ALG5: variants seen among roughly 807,000 people sequenced by gnomAD.
The protein encoded by ALG5 is dolichyl-phosphate beta-glucosyltransferase.
Under a neutral mutation model 51.8 loss-of-function variants are expected in ALG5, and 26 were observed. That is an observed-to-expected ratio of 0.50 (90% CI 0.37 to 0.70). The LOEUF (loss-of-function observed/expected upper bound fraction) is 0.70. Among genes scored for constraint, ALG5 ranks in the 30% least tolerant of loss-of-function variants. The probability of loss-of-function intolerance (pLI) is 0.00; values close to 1 mark genes in which losing one functional copy is unlikely to be tolerated. For synonymous variants in ALG5, 141 were observed against 136.1 expected (o/e 1.04, Z -0.25); for missense variants, 311 against 399.3 (o/e 0.78, Z 1.88).
In ALG5 at chr13:36,969,801, C is replaced by T. The variant is rs1292897585; in HGVS notation, c.621+2176G>A. On this transcript the variant is annotated intron_variant, in intron 7 of 9. Transcript: ENST00000239891. Reference sequence around the variant, plus strand: ...CCGCCTGCCTCGGCCTCTCAAAGTGCTGGGATTACAGGTGTGAGCCACTGT... The same window carrying T: ...CCGCCTGCCTCGGCCTCTCAAAGTGTTGGGATTACAGGTGTGAGCCACTGT... 2.0e-5 allele frequency among the ~76,000 whole-genome samples: 3 copies of T among 152,016 alleles called. No individual in the cohort carries two copies. The East Asian group carries it at 5.8e-4, about 29-fold the overall frequency.
At position 36,985,721 on chromosome 13, in the gene ALG5, C is replaced by A; in HGVS notation, c.467G>T (p.Gly156Val). 1 of 1,612,894 alleles carries A rather than the reference C, an allele frequency of 6.2e-7. No individual in the cohort carries two copies. The highest frequency in any genetic ancestry group is 8.5e-7 in the Non-Finnish European group (1 of 1,179,532). Reference sequence around the variant, plus strand: ...AGCATCTGCCATAAGGATCTTTTCTCCTCGAGAACTGAATATACCCTGTAT... The same window carrying A: ...AGCATCTGCCATAAGGATCTTTTCTACTCGAGAACTGAATATACCCTGTAT... The part of the protein sequence containing the change: ...AIRMGIFSSR[G>V]EKILMADADG... Residue 156 changes from glycine to valine, a missense_variant, in exon 6 of 10, where the codon GGA becomes GTA. Coordinates refer to ENST00000239891, the MANE Select transcript of ALG5 (RefSeq NM_013338.5).
In ALG5 at chr13:36,950,112, C is replaced by T. The variant is rs553374135; in HGVS notation, c.860-55G>A. The T allele has an allele frequency of 5.5e-4, 646 of 1,167,750 alleles. 2 individuals are homozygous for T. The African/African-American group carries it at 8.5e-3, about 15-fold the overall frequency. The allele number at this position is 1,167,750 out of a possible 1,614,324, so 72.3% of individuals were successfully genotyped here. ...TAGCTTAAATAAACTCAGCAGAAAA[C>T]GTATCAGTTTAAAGTCAGTCTACAT... On this transcript the variant is annotated intron_variant, in intron 9 of 9. Transcript: ENST00000239891.
intron 4 of ALG5, among the ~76,000 whole-genome samples, chr13:36,991,736 G>A (rs552153238): frequency 9.9e-5 from 15 of 152,186 alleles, no homozygotes; most frequent in African/African-American, 3.1e-4. Flanking sequence ...TTCGTTCCTA[G>A]TTAAAAAGGA....
At chr13:36,990,419 C>G (rs951549162) in intron 4 of ALG5, among the ~76,000 whole-genome samples, 22 of 152,180 alleles carry the variant, frequency 1.4e-4, no homozygotes, top group African/African-American at 5.1e-4. Flanking sequence ...TCTACTGTTC[C>G]CAAGTTTTCA....
At chr13:36,989,348 G>T in intron 5 of ALG5, 136 bp downstream of exon 5, 1 of 625,980 alleles carries the variant, frequency 1.6e-6, no homozygotes, top group Non-Finnish European at 2.8e-6. Flanking sequence ...CTAAAAACAT[G>T]AAGTTATTAT....
intron 4 of ALG5, among the ~76,000 whole-genome samples, chr13:36,990,148 C>T (rs1405383566): frequency 1.3e-5 from 2 of 152,222 alleles, no homozygotes; most frequent in Non-Finnish European, 2.9e-5. Flanking sequence ...TGCCAGCATC[C>T]TAAAAACTTT....
intron 8 of ALG5, among the ~76,000 whole-genome samples, chr13:36,959,630 G>A (rs970710121): frequency 2.0e-5 from 3 of 152,044 alleles, no homozygotes; most frequent in African/African-American, 2.4e-5. Flanking sequence ...TTCAGAATTG[G>A]ACTCCTTCAC....
At chr13:36,969,315 T>G (rs568701558) in intron 7 of ALG5, among the ~76,000 whole-genome samples, 50 of 141,294 alleles carry the variant, frequency 3.5e-4, no homozygotes, top group Non-Finnish European at 7.3e-4. Flanking sequence ...GAACTATCTC[T>G]TGCCTATATT....
At chr13:36,995,711 GT>G in intron 1 of ALG5, 115 bp from the exon 2 acceptor site, 1 of 1,006,692 alleles carries the variant, frequency 9.9e-7, no homozygotes, top group Non-Finnish European at 1.4e-6. Flanking sequence ...TCACTCTCAG[GT>G]TTTAGTTCAT....
At chr13:36,957,087 T>C (rs1247110832) in intron 8 of ALG5, among the ~76,000 whole-genome samples, 1 of 151,862 alleles carries the variant, frequency 6.6e-6, no homozygotes, top group African/African-American at 2.4e-5. Context: ...CACCAGACCT[T>C]TCACTTAGGC....
At chr13:36,967,517 C>G (rs2058900456) in intron 7 of ALG5, among the ~76,000 whole-genome samples, 1 of 152,034 alleles carries the variant, frequency 6.6e-6, no homozygotes. Context: ...ACTCTCCTGA[C>G]CACAATTTTA....
At chr13:36,971,940 T>C (rs765096377) in intron 7 of ALG5, 37 bp downstream of exon 7, 1 of 1,538,090 alleles carries the variant, frequency 6.5e-7, no homozygotes, top group Non-Finnish European at 8.8e-7. Flanking sequence ...TAAAAGCCAA[T>C]TAATTGGCTG....
intron 1 of ALG5, 88 bp downstream of exon 1, chr13:36,999,147 T>C (rs1230450262): frequency 1.6e-6 from 2 of 1,245,900 alleles, no homozygotes; most frequent in East Asian, 2.9e-5. Context: ...CGAGAACTGG[T>C]AGCGCGGAGG....
intron 5 of ALG5, among the ~76,000 whole-genome samples, chr13:36,989,134 T>C (rs542578613): frequency 6.6e-6 from 1 of 152,306 alleles, no homozygotes; most frequent in South Asian, 2.1e-4. Flanking sequence ...CATGCTACCA[T>C]GCATAACAGC....
At position 36,999,229 on chromosome 13, in the gene ALG5, T is replaced by C. The variant is rs1365866206; in HGVS notation, c.66+6A>G. The stretch of plus-strand genomic sequence containing the variant: ...GGCCTGCGCGGGTTCCCATCCCTGT[T>C]CTCACCAGTACGAGGGCTGCGGCCG... On this transcript the variant is annotated splice_donor_region_variant and intron_variant, in intron 1 of 9. Coordinates refer to ENST00000239891, the MANE Select transcript of ALG5 (RefSeq NM_013338.5). 2 of 1,574,420 alleles carry C rather than the reference T, an allele frequency of 1.3e-6. No individual in the cohort carries two copies. The highest frequency in any genetic ancestry group is 1.7e-6 in the Non-Finnish European group (2 of 1,163,016).
intron 8 of ALG5, among the ~76,000 whole-genome samples, chr13:36,962,365 C>T (rs1010305777): frequency 2.6e-5 from 4 of 152,134 alleles, no homozygotes; most frequent in African/African-American, 9.7e-5. Flanking sequence ...GGGTATACTG[C>T]TCATTAAGCT....
intron 1 of ALG5, among the ~76,000 whole-genome samples, chr13:36,997,132 G>T (rs1379515889): frequency 2.0e-5 from 3 of 152,130 alleles, no homozygotes; most frequent in Non-Finnish European, 2.9e-5. Context: ...TGCAATCAAA[G>T]AAATCCAAAT....
intron 7 of ALG5, 69 bp downstream of exon 7, chr13:36,971,908 G>GAT (rs374306702): frequency 2.5e-5 from 31 of 1,232,572 alleles, no homozygotes; most frequent in Non-Finnish European, 3.0e-5. Flanking sequence ...TTTCTTGCCA[G>GAT]ATATATATAT....
intron 5 of ALG5, among the ~76,000 whole-genome samples, chr13:36,988,053 T>C (rs926559816): frequency 6.6e-6 from 1 of 152,206 alleles, no homozygotes; most frequent in African/African-American, 2.4e-5. Context: ...GTTCCCCGTC[T>C]AGGCTCCCTG....
Sources: gnomAD v4.1 joint callset for allele counts (sites outside exome capture counted in the v4.1 genomes callset) on GRCh38, gnomAD v4.1.1 for gene constraint, MANE v1.5 for transcripts, NCBI Gene and HGNC (gene_info 2026-07-23, HGNC 2026-07-21) for gene names.